The following EXOC4 variants were observed in gnomAD, a reference collection of about 807,000 sequenced individuals.
EXOC4 encodes exocyst complex component 4, also known as SEC8-like 1.
Under a neutral mutation model 107.2 loss-of-function variants are expected in EXOC4, and 71 were observed. The observed-to-expected ratio is 0.66, with a 90% CI of 0.55 to 0.81. EXOC4 has a LOEUF of 0.81. Among genes scored for constraint, EXOC4 ranks in the 30% least tolerant of loss-of-function variants. The pLI is 0.00. For missense variants in EXOC4, 1,108 were observed against 1,189.6 expected (o/e 0.93, Z 1.01); for synonymous variants, 456 against 441.2 (o/e 1.03, Z -0.42).
At chr7:133,615,955 C>T (rs1691118742) in intron 9 of EXOC4, among the ~76,000 whole-genome samples, 1 of 152,112 alleles carries the variant, frequency 6.6e-6, no homozygotes, top group African/African-American at 2.4e-5. Context: ...TGATAAGTAG[C>T]TTCTTTGTTC....
intron 5 of EXOC4, among the ~76,000 whole-genome samples, chr7:133,338,375 T>C (rs966182436): frequency 3.3e-4 from 49 of 150,080 alleles, no homozygotes; most frequent in Admixed American, 1.7e-3. Flanking sequence ...GGGTGGATCA[T>C]GAGGTCAGGA....
intron 9 of EXOC4, among the ~76,000 whole-genome samples, chr7:133,553,344 T>C (rs1800628629): frequency 6.6e-6 from 1 of 152,180 alleles, no homozygotes; most frequent in Non-Finnish European, 1.5e-5. Context: ...CGTCTCTTGC[T>C]TTTATAGGAT....
chr7:133,680,134 C>A (rs950727886), intron 10 of EXOC4, among the ~76,000 whole-genome samples: 2 of 152,118 alleles, frequency 1.3e-5, no homozygotes, highest in South Asian at 4.1e-4. Flanking sequence ...CATTCTCAGA[C>A]AAGCAAGTGA....
intron 10 of EXOC4, among the ~76,000 whole-genome samples, chr7:133,809,336 G>T (rs776607905): frequency 2.6e-5 from 4 of 152,196 alleles, no homozygotes; most frequent in Non-Finnish European, 5.9e-5. Context: ...GTAGAGGATT[G>T]GCACAATGAG....
intron 7 of EXOC4, among the ~76,000 whole-genome samples, chr7:133,419,500 C>T (rs1303732384): frequency 6.6e-6 from 1 of 152,090 alleles, no homozygotes; most frequent in East Asian, 1.9e-4. Context: ...GGGATAAAAT[C>T]TGTATGATGG....
chr7:134,007,867 G>A (rs1222207823), intron 17 of EXOC4, 32 bp downstream of exon 17: 1 of 1,590,462 alleles, frequency 6.3e-7, no homozygotes, highest in Admixed American at 1.7e-5. Context: ...AGTTTCTTAT[G>A]CCAAAGCTAA....
chr7:133,561,526 T>G (rs189683816), intron 9 of EXOC4, among the ~76,000 whole-genome samples: 3 of 152,368 alleles, frequency 2.0e-5, no homozygotes, highest in African/African-American at 7.2e-5. Flanking sequence ...TTTTAAATGC[T>G]ATTTCTTGAT....
chr7:133,288,548 C>T (rs1794332655), intron 2 of EXOC4, among the ~76,000 whole-genome samples: 1 of 152,138 alleles, frequency 6.6e-6, no homozygotes, highest in African/African-American at 2.4e-5. Flanking sequence ...AGGAAATTTG[C>T]AAGCATTGGG....
intron 10 of EXOC4, among the ~76,000 whole-genome samples, chr7:133,776,607 G>A (rs537680840): frequency 4.2e-4 from 64 of 152,198 alleles, no homozygotes; most frequent in South Asian, 1.0e-3. Flanking sequence ...TAGATCATGG[G>A]TAATTTATGA....
chr7:134,079,898 C>G, the EXOC4 span, among the ~76,000 whole-genome samples: 1 of 152,258 alleles, frequency 6.6e-6, no homozygotes, highest in East Asian at 1.9e-4. Flanking sequence ...CCCTCTTGCC[C>G]GCAAAACCTA....
At chr7:133,439,182 C>CTTTTTTTTT (rs35280420) in intron 7 of EXOC4, among the ~76,000 whole-genome samples, 10 of 94,080 alleles carry the variant, frequency 1.1e-4, no homozygotes, top group Non-Finnish European at 1.3e-4. Context: ...TTCATCAGTT[C>CTTTTTTTTT]TTTTTTTTTT....
chr7:133,671,021 G>A (rs1793933051), intron 10 of EXOC4, among the ~76,000 whole-genome samples: 1 of 152,116 alleles, frequency 6.6e-6, no homozygotes, highest in Non-Finnish European at 1.5e-5. Flanking sequence ...TGAATTCAGG[G>A]AACAAACCAT....
chr7:133,977,696 T>G (rs1482966436), intron 14 of EXOC4, among the ~76,000 whole-genome samples: 7 of 151,786 alleles, frequency 4.6e-5, no homozygotes, highest in African/African-American at 1.7e-4. Flanking sequence ...TATTTGTTTG[T>G]TTTTGTGTGT....
At chr7:134,046,604 A>G (rs1372198139) in intron 17 of EXOC4, among the ~76,000 whole-genome samples, 1 of 150,016 alleles carries the variant, frequency 6.7e-6, no homozygotes, top group African/African-American at 2.5e-5. Context: ...TAATACAGGT[A>G]GTAAGTACGT....
intron 11 of EXOC4, among the ~76,000 whole-genome samples, chr7:133,866,164 A>C (rs770310024): frequency 3.9e-5 from 6 of 152,202 alleles, no homozygotes; most frequent in Non-Finnish European, 7.3e-5. Flanking sequence ...AATCTCATTT[A>C]ATCTTTGCAA....
intron 6 of EXOC4, among the ~76,000 whole-genome samples, chr7:133,364,167 T>C (rs1238234837): frequency 6.6e-6 from 1 of 151,982 alleles, no homozygotes; most frequent in Non-Finnish European, 1.5e-5. Context: ...ACTCTGTCGC[T>C]GAGGCTGGAA....
chr7:133,575,342 A>G (rs1173721438), intron 9 of EXOC4, among the ~76,000 whole-genome samples: 10 of 152,226 alleles, frequency 6.6e-5, no homozygotes, highest in Non-Finnish European at 1.5e-4. Context: ...GTTCTAGACT[A>G]GAAGGCATAA....
At chr7:133,811,664 G>A (rs947585153) in intron 10 of EXOC4, among the ~76,000 whole-genome samples, 1 of 152,214 alleles carries the variant, frequency 6.6e-6, no homozygotes, top group Non-Finnish European at 1.5e-5. Context: ...AGAATACAAA[G>A]TAGTGTGAAC....
chr7:134,098,086 C>G, the EXOC4 span, among the ~76,000 whole-genome samples: 11 of 152,294 alleles, frequency 7.2e-5, no homozygotes, highest in African/African-American at 2.2e-4. Flanking sequence ...GAGACCAAAG[C>G]AAAGAAATAG....
Sources: gnomAD v4.1 joint callset for allele counts (sites outside exome capture counted in the v4.1 genomes callset) on GRCh38, gnomAD v4.1.1 for gene constraint, MANE v1.5 for transcripts, NCBI Gene and HGNC (gene_info 2026-07-23, HGNC 2026-07-21) for gene names.